Variants in LRRC1 observed in about 807,000 individuals in gnomAD.
LRRC1 encodes the protein leucine rich repeat containing 1, also known as leucine-rich repeat-containing protein 1.
Under a neutral mutation model 69.9 loss-of-function variants are expected in LRRC1, and 28 were observed. That is an observed-to-expected ratio of 0.40 (90% CI 0.30 to 0.55). The LOEUF (loss-of-function observed/expected upper bound fraction) is 0.55, where lower values mean the gene tolerates loss of function less well. LRRC1 is among the 20% of genes least tolerant of loss of function. The pLI, the probability that LRRC1 is intolerant of heterozygous loss-of-function variation, is 0.47. For synonymous variants in LRRC1, 236 were observed against 240.2 expected (o/e 0.98, Z 0.16); for missense variants, 498 against 609.0 (o/e 0.82, Z 1.92).
At chr6:53,872,333 T>C (rs1373613369) in intron 2 of LRRC1, among the ~76,000 whole-genome samples, 1 of 152,134 alleles carries the variant, frequency 6.6e-6, no homozygotes, top group African/African-American at 2.4e-5. Flanking sequence ...TCAGTGGTGA[T>C]TTGTGAGATT....
chr6:53,855,774 C>G (rs761734301), intron 2 of LRRC1, among the ~76,000 whole-genome samples: 2 of 152,198 alleles, frequency 1.3e-5, no homozygotes, highest in African/African-American at 2.4e-5. Flanking sequence ...TCACCCCACC[C>G]CAGCCCCCTT....
intron 2 of LRRC1, among the ~76,000 whole-genome samples, chr6:53,852,917 A>ATTTAT (rs1263228097): frequency 6.6e-6 from 1 of 152,206 alleles, no homozygotes; most frequent in Admixed American, 6.5e-5. Context: ...ATTTATAAAC[A>ATTTAT]AGAGAAATGT....
rs200438450 is a variant in LRRC1 at position 53,913,909 on chromosome 6, G to A, written c.1046G>A (p.Arg349Gln). ...VFCVRDNRLT[R>Q]IPAEVSQATE... is the part of the protein sequence containing the mutation. ...TGTGTACGTGACAACAGACTAACTCGGATACCTGCAGAGGTGTCACAGGCA... is the reference window on the plus strand; with the variant it reads ...TGTGTACGTGACAACAGACTAACTCAGATACCTGCAGAGGTGTCACAGGCA... Residue 349 changes from arginine (R) to glutamine (Q), a missense_variant, in exon 11 of 14, where the codon CGG becomes CAG. Arg to Gln is a conservative substitution (Grantham distance 43). Around this residue, in one of 3 missense-constraint regions of LRRC1, gnomAD observed 266 missense variants for 383.9 expected, o/e 0.69. Transcript: ENST00000370888. The A allele has an allele frequency of 8.7e-6, 14 of 1,612,380 alleles. No individual in the cohort carries two copies. The East Asian group carries it at 1.8e-4, about 21-fold the overall frequency.
chr6:53,817,678 T>C (rs1184465671), intron 1 of LRRC1, among the ~76,000 whole-genome samples: 1 of 152,238 alleles, frequency 6.6e-6, no homozygotes, highest in Admixed American at 6.5e-5. Context: ...CCTCTGCTTC[T>C]ATGAACTGAA....
In LRRC1 at chr6:53,903,256, T is replaced by A. The variant is rs182665517; in HGVS notation, c.906+509T>A. Among the ~76,000 whole-genome samples the A allele has an allele frequency of 1.2e-4, 18 of 152,270 alleles. No homozygotes were observed. The East Asian group carries it at 3.5e-3, about 29-fold the overall frequency. The stretch of plus-strand genomic sequence containing the variant: ...TCTGATGGGCTCTGGTTAAGGCTGC[T>A]TCTTATTAGAACTTGGAAGTGGAGG... On this transcript the variant is annotated intron_variant, in intron 9 of 13. Coordinates refer to ENST00000370888, the MANE Select transcript of LRRC1 (RefSeq NM_018214.5).
At chr6:53,914,052 T>C in intron 11 of LRRC1, 83 bp downstream of exon 11, 1 of 942,314 alleles carries the variant, frequency 1.1e-6, no homozygotes, top group South Asian at 1.5e-5. Context: ...CAAATTTTTG[T>C]CTTTGCTTTA....
chr6:53,920,294 A>C (rs1768697865), intron 12 of LRRC1, among the ~76,000 whole-genome samples: 1 of 152,216 alleles, frequency 6.6e-6, no homozygotes, highest in African/African-American at 2.4e-5. Flanking sequence ...AAGTTGTATA[A>C]AATAAGCATT....
chr6:53,840,654 A>AG (rs768953600), intron 1 of LRRC1, among the ~76,000 whole-genome samples: 21 of 151,212 alleles, frequency 1.4e-4, no homozygotes, highest in Non-Finnish European at 2.7e-4. Context: ...CCACCTTCTG[A>AG]GGACTCTATT....
intron 2 of LRRC1, among the ~76,000 whole-genome samples, chr6:53,861,300 C>T (rs957246204): frequency 6.6e-6 from 1 of 151,604 alleles, no homozygotes; most frequent in Non-Finnish European, 1.5e-5. Flanking sequence ...CGAGTCCTAC[C>T]CCAGGCTGAC....
At chr6:53,920,859 C>T in intron 13 of LRRC1, 98 bp downstream of exon 13, 1 of 1,368,446 alleles carries the variant, frequency 7.3e-7, no homozygotes, top group Non-Finnish European at 1.0e-6. Flanking sequence ...TTAGTATGTT[C>T]TCTGCTTTGC....
chr6:53,807,334 A>T (rs1021894743), intron 1 of LRRC1, among the ~76,000 whole-genome samples: 1 of 152,234 alleles, frequency 6.6e-6, no homozygotes, highest in African/African-American at 2.4e-5. Context: ...TGCTTCAGGC[A>T]TCGTTCTATC....
chr6:53,855,490 G>A (rs1766280956), intron 2 of LRRC1, among the ~76,000 whole-genome samples: 1 of 152,184 alleles, frequency 6.6e-6, no homozygotes, highest in Non-Finnish European at 1.5e-5. Flanking sequence ...AGGCTGAGGA[G>A]GACTGAAGTC....
intron 4 of LRRC1, chr6:53,884,141 G>A (rs1429593343): frequency 1.6e-6 from 1 of 612,908 alleles, no homozygotes; most frequent in African/African-American, 1.9e-5. Flanking sequence ...AGAAAACAGT[G>A]GTATTTTATT....
At chr6:53,883,613 G>A (rs557118839) in intron 4 of LRRC1, among the ~76,000 whole-genome samples, 2 of 152,300 alleles carry the variant, frequency 1.3e-5, no homozygotes, top group East Asian at 1.9e-4. Flanking sequence ...TCCCACAGAC[G>A]AACTAGTTGA....
At chr6:53,885,493 G>T (rs1171670039) in intron 4 of LRRC1, among the ~76,000 whole-genome samples, 1 of 152,172 alleles carries the variant, frequency 6.6e-6, no homozygotes, top group African/African-American at 2.4e-5. Flanking sequence ...CCATTTGATT[G>T]CTTGATTCTT....
chr6:53,908,761 G>T (rs1481974289), intron 10 of LRRC1, among the ~76,000 whole-genome samples: 1 of 152,026 alleles, frequency 6.6e-6, no homozygotes, highest in Non-Finnish European at 1.5e-5. Context: ...TCTATTAGAA[G>T]TTCTTCTACA....
At chr6:53,856,734 A>G (rs1439254520) in intron 2 of LRRC1, among the ~76,000 whole-genome samples, 1 of 152,054 alleles carries the variant, frequency 6.6e-6, no homozygotes, top group Admixed American at 6.6e-5. Flanking sequence ...AGCTGTGGGG[A>G]ATCATGAAAG....
intron 1 of LRRC1, among the ~76,000 whole-genome samples, chr6:53,833,204 C>G (rs920270255): frequency 1.3e-5 from 2 of 152,150 alleles, no homozygotes; most frequent in Non-Finnish European, 1.5e-5. Flanking sequence ...CTGTCCTGAT[C>G]CATTTTGCTT....
chr6:53,900,454 A>G (rs142622997), intron 8 of LRRC1, among the ~76,000 whole-genome samples: 429 of 152,346 alleles, frequency 2.8e-3, no homozygotes, highest in Non-Finnish European at 4.4e-3. Flanking sequence ...GTTACTTTTA[A>G]GCATCGATTC....
Sources: allele counts gnomAD v4.1 joint callset (sites outside exome capture counted in the v4.1 genomes callset), GRCh38; gene constraint gnomAD v4.1.1; regional missense constraint gnomAD v4.1.1; transcripts MANE v1.5; gene names NCBI Gene and HGNC (gene_info 2026-07-23, HGNC 2026-07-21).